COL4A5: variants seen among roughly 807,000 people sequenced by gnomAD.
COL4A5 encodes the protein collagen type IV alpha 5 chain.
A neutral mutation model predicts 130.2 loss-of-function variants in COL4A5; 26 were observed. The observed-to-expected ratio is 0.20, with a 90% CI of 0.15 to 0.28. The LOEUF is 0.28. Among genes scored for constraint, COL4A5 ranks in the 10% least tolerant of loss-of-function variants. The probability of loss-of-function intolerance (pLI) is 1.00; values close to 1 mark genes in which losing one functional copy is unlikely to be tolerated. For synonymous variants in COL4A5, 496 were observed against 439.6 expected (o/e 1.13, Z -1.60); for missense variants, 1,131 against 1,344.3 (o/e 0.84, Z 2.48).
chrX:108,597,845 A>T (rs1028796087), intron 24 of COL4A5, among the ~76,000 whole-genome samples: 1 of 111,273 alleles, frequency 9.0e-6, no homozygotes, highest in Admixed American at 9.6e-5. Context: ...TGTTTATGAG[A>T]CAGTATAAGG....
At chrX:108,526,659 TC>T (rs1216036682) in intron 1 of COL4A5, among the ~76,000 whole-genome samples, 37 of 51,916 alleles carry the variant, frequency 7.1e-4, no homozygotes, top group African/African-American at 3.2e-3. Context: ...TTTCTTTCTT[TC>T]TTCTTTCTTT....
At chrX:108,529,911 A>C (rs950921945) in intron 1 of COL4A5, among the ~76,000 whole-genome samples, 2 of 111,754 alleles carry the variant, frequency 1.8e-5, no homozygotes, top group Non-Finnish European at 3.8e-5. Context: ...AGATTCATAA[A>C]GCAAATATTC....
intron 17 of COL4A5, 54 bp from the exon 18 acceptor site, chrX:108,584,430 A>C: frequency 9.5e-7 from 1 of 1,048,284 alleles, no homozygotes. Flanking sequence ...TTCTTGAGGA[A>C]ATTGATGTTT....
At position 108,692,808 on chromosome X, in the gene COL4A5, A is replaced by G; in HGVS notation, c.4589A>G (p.Asn1530Ser). 1 of 1,211,221 alleles carries G rather than the reference A, an allele frequency of 8.3e-7. No individual in the cohort carries two copies. The highest frequency in any genetic ancestry group is 1.8e-5 in the South Asian group (1 of 56,956). ...ATGCCTTTCATGTTCTGCAACATCA[A>G]TAATGTTTGCAACTTTGCTTCAAGA... ...STMPFMFCNI[N>S]NVCNFASRND... Residue 1530 changes from asparagine to serine, a missense_variant, in exon 50 of 53, where the codon AAT becomes AGT. Transcript: ENST00000328300.
At chrX:108,447,341 T>C (rs1335651924) in intron 1 of COL4A5, among the ~76,000 whole-genome samples, 3 of 111,799 alleles carry the variant, frequency 2.7e-5, no homozygotes, top group Non-Finnish European at 5.6e-5. Flanking sequence ...GGTTAGTACA[T>C]ACGGAATGTG....
intron 2 of COL4A5, among the ~76,000 whole-genome samples, chrX:108,548,903 G>T (rs989126237): frequency 9.0e-6 from 1 of 111,256 alleles, no homozygotes; most frequent in Admixed American, 9.5e-5. Flanking sequence ...AATAAAGGCA[G>T]ATTTAAGACA....
intron 15 of COL4A5, 87 bp downstream of exon 15, chrX:108,580,825 T>C: frequency 9.8e-7 from 1 of 1,016,547 alleles, no homozygotes; most frequent in Non-Finnish European, 1.4e-6. Flanking sequence ...ACATCTTCCA[T>C]TGTTTCAAAA....
At chrX:108,591,700 G>T (rs963823072) in intron 21 of COL4A5, 56 bp downstream of exon 21, 19 of 969,647 alleles carry the variant, frequency 2.0e-5, no homozygotes, top group Non-Finnish European at 2.8e-5. Flanking sequence ...CAAATCATCA[G>T]CAAAATCCCC....
At chrX:108,526,594 TC>T (rs764918468) in intron 1 of COL4A5, among the ~76,000 whole-genome samples, 575 of 44,298 alleles carry the variant, frequency 0.013, 30 homozygotes, top group African/African-American at 0.081. Context: ...CCTCCCTCCC[TC>T]CTTTCTTTCT....
intron 29 of COL4A5, among the ~76,000 whole-genome samples, chrX:108,609,100 T>G (rs771161314): frequency 1.8e-5 from 2 of 112,104 alleles, no homozygotes; most frequent in South Asian, 7.4e-4. Flanking sequence ...AAAGACATTT[T>G]TTACAATTCT....
intron 10 of COL4A5, among the ~76,000 whole-genome samples, chrX:108,577,301 G>A (rs187137953): frequency 9.5e-6 from 1 of 105,146 alleles, no homozygotes; most frequent in Admixed American, 1.0e-4. Flanking sequence ...GAACCCAGGA[G>A]GCGGAGGTTG....
chrX:108,507,139 T>C (rs1391409782), intron 1 of COL4A5, among the ~76,000 whole-genome samples: 1 of 106,372 alleles, frequency 9.4e-6, no homozygotes, highest in Non-Finnish European at 1.9e-5. Context: ...ACACTGTTCC[T>C]ACTGAAACTA....
At chrX:108,450,586 C>T (rs184102779) in intron 1 of COL4A5, among the ~76,000 whole-genome samples, 13 of 111,839 alleles carry the variant, frequency 1.2e-4, no homozygotes, top group African/African-American at 4.2e-4. Flanking sequence ...TTGAACCTGA[C>T]ACCAAGAGTG....
At chrX:108,681,280 G>C (rs2068423476) in intron 46 of COL4A5, among the ~76,000 whole-genome samples, 1 of 110,536 alleles carries the variant, frequency 9.0e-6, no homozygotes, top group South Asian at 3.8e-4. Flanking sequence ...TAATATTTTC[G>C]ATATTAAAAT....
intron 1 of COL4A5, among the ~76,000 whole-genome samples, chrX:108,536,077 T>C (rs933754650): frequency 1.8e-5 from 2 of 111,878 alleles, no homozygotes; most frequent in Non-Finnish European, 3.8e-5. Flanking sequence ...TGTGAGGTTC[T>C]TTAGGTGACC....
intron 2 of COL4A5, among the ~76,000 whole-genome samples, chrX:108,545,050 CA>C: frequency 9.0e-6 from 1 of 111,420 alleles, no homozygotes; most frequent in African/African-American, 3.3e-5. Flanking sequence ...TTGATCTTTT[CA>C]AAAAACCAGC....
At chrX:108,498,712 A>G (rs2065053974) in intron 1 of COL4A5, among the ~76,000 whole-genome samples, 1 of 111,491 alleles carries the variant, frequency 9.0e-6, no homozygotes, top group South Asian at 3.7e-4. Flanking sequence ...TCATTTTCAT[A>G]GCATAGGTTT....
At chrX:108,524,379 T>C (rs1184310592) in intron 1 of COL4A5, among the ~76,000 whole-genome samples, 5 of 111,211 alleles carry the variant, frequency 4.5e-5, no homozygotes, top group Non-Finnish European at 7.6e-5. Flanking sequence ...CTCTCTTTTA[T>C]TTCTGATTTT....
chrX:108,445,752 A>G (rs764099405), intron 1 of COL4A5, among the ~76,000 whole-genome samples: 22 of 111,822 alleles, frequency 2.0e-4, no homozygotes, highest in Non-Finnish European at 3.8e-4. Flanking sequence ...TGTTCATTCA[A>G]CCAATTCATA....
Sources: allele counts gnomAD v4.1 joint callset (sites outside exome capture counted in the v4.1 genomes callset), GRCh38; gene constraint gnomAD v4.1.1; transcripts MANE v1.5; gene names NCBI Gene and HGNC (gene_info 2026-07-23, HGNC 2026-07-21).